The following PWWP2A variants were observed in gnomAD, a reference collection of about 807,000 sequenced individuals.
PWWP2A encodes PWWP domain containing 2A.
A neutral mutation model predicts 48.5 loss-of-function variants in PWWP2A; 18 were observed. The observed-to-expected ratio is 0.37, with a 90% CI of 0.26 to 0.55. The LOEUF is 0.55. PWWP2A is among the 20% of genes least tolerant of loss of function. The probability of loss-of-function intolerance (pLI) is 0.81; values close to 1 mark genes in which losing one functional copy is unlikely to be tolerated. For missense variants in PWWP2A, 867 were observed against 976.4 expected, an observed-to-expected ratio of 0.89 and a Z score of 1.49; for synonymous variants, 396 against 387.7, an observed-to-expected ratio of 1.02 and a Z score of -0.25.
At chr5:160,074,566 G>A (rs1215574951), downstream of PWWP2A, among the ~76,000 whole-genome samples, 1 of 151,878 alleles carries the variant, frequency 6.6e-6, no homozygotes, top group African/African-American at 2.4e-5. Context: ...GACCAACAGG[G>A]AGAAACCTCA....
rs1037751526 is a variant in PWWP2A at position 160,094,372 on chromosome 5, G to A, written c.585-307C>T. On this transcript the variant is annotated intron_variant, in intron 1 of 1. Transcript: ENST00000307063. ...GTTTTCTCAGATAGCTTTATGTTAA[G>A]CATCACATACATTACATTCACTGAA... Among the ~76,000 whole-genome samples, 14 of 152,168 alleles carry A rather than the reference G, an allele frequency of 9.2e-5. 1 individual carries two copies. Among genetic ancestry groups the A allele is most frequent in the Non-Finnish European group, 1.5e-5 (1 of 68,026 alleles).
rs140203801 is a variant in PWWP2A at position 160,115,419 on chromosome 5, C to T, written c.584+3386G>A. On this transcript the variant is annotated intron_variant, in intron 1 of 1. Coordinates refer to ENST00000307063, the MANE Select transcript of PWWP2A (RefSeq NM_001130864.2). ...AAAAGATACAAAAACAGGCTGGGCA[C>T]GGTGGCTCATGCCCATAATCCCAGC... is the stretch of plus-strand genomic sequence containing the variant. 1.2e-4 allele frequency among the ~76,000 whole-genome samples: 19 copies of T among 152,012 alleles called. No homozygotes were observed. The East Asian group carries it at 2.5e-3, about 20-fold the overall frequency.
intron 1 of PWWP2A, among the ~76,000 whole-genome samples, chr5:160,111,137 G>C (rs1210069135): frequency 6.6e-6 from 1 of 152,034 alleles, no homozygotes; most frequent in African/African-American, 2.4e-5. Context: ...AACCAGCCTG[G>C]GCAACATAGC....
chr5:160,069,886 T>C (rs2113441110), intron 2 of PWWP2A, among the ~76,000 whole-genome samples: 1 of 152,300 alleles, frequency 6.6e-6, no homozygotes, highest in East Asian at 1.9e-4. Context: ...AATCCCCAAC[T>C]TTTCCTTTCG....
chr5:160,068,096 G>T (rs1049805952), intron 2 of PWWP2A, among the ~76,000 whole-genome samples: 1 of 152,092 alleles, frequency 6.6e-6, no homozygotes, highest in Non-Finnish European at 1.5e-5. Context: ...CAGGAGAATC[G>T]CTTGAACCCA....
chr5:160,117,937 G>A (rs969703114), intron 1 of PWWP2A: 2 of 943,372 alleles, frequency 2.1e-6, no homozygotes, highest in Admixed American at 6.2e-5. Context: ...TGCAAAAGAA[G>A]AGAATAAAAA....
At chr5:160,069,095 C>G (rs1753682485) in intron 2 of PWWP2A, among the ~76,000 whole-genome samples, 1 of 151,956 alleles carries the variant, frequency 6.6e-6, no homozygotes, top group Non-Finnish European at 1.5e-5. Flanking sequence ...GAGTTCGAGA[C>G]CAGCCTGAGC....
chr5:160,097,400 A>G (rs190513361), intron 1 of PWWP2A, among the ~76,000 whole-genome samples: 1 of 147,110 alleles, frequency 6.8e-6, no homozygotes, highest in East Asian at 2.1e-4. Context: ...TAATCCCAAC[A>G]CTTTGGGAGG....
downstream of PWWP2A, chr5:160,089,956 G>T: frequency 1.0e-6 from 1 of 984,894 alleles, no homozygotes; most frequent in Non-Finnish European, 1.2e-6. Context: ...TGGAATAAAA[G>T]TTTTTAATAT....
chr5:160,092,828 G>A lies in PWWP2A; in HGVS notation c.1822C>T (p.Pro608Ser). The A allele has an allele frequency of 1.3e-6, 2 of 1,551,682 alleles. No homozygotes were observed. Among genetic ancestry groups the A allele is most frequent in the Non-Finnish European group, 1.7e-6 (2 of 1,146,992 alleles). Residue 608 changes from proline to serine, a missense_variant, in exon 2 of 2, where the codon CCA (proline) becomes TCA (serine). Around this residue, in one of 4 missense-constraint regions of PWWP2A, gnomAD observed 382 missense variants for 407.2 expected, o/e 0.94. Transcript: ENST00000307063. ...CSSSESFDFP[P>S]GSMHAPSTSS... is the part of the protein sequence containing the mutation. ...GTGGAAGGTGCATGCATACTGCCTGGAGGAAAATCAAAGCTTTCAGAAGAA... is the reference window on the plus strand; with the variant it reads ...GTGGAAGGTGCATGCATACTGCCTGAAGGAAAATCAAAGCTTTCAGAAGAA...
the PWWP2A span, chr5:160,049,435 T>G: frequency 7.8e-7 from 1 of 1,284,842 alleles, no homozygotes; most frequent in African/African-American, 1.5e-5. Context: ...GGAGGATGAT[T>G]GATGAAGGAA....
chr5:160,115,137 C>CAAAAAAAAAAAAAA (rs535110852), intron 1 of PWWP2A, among the ~76,000 whole-genome samples: 1 of 88,414 alleles, frequency 1.1e-5, no homozygotes, highest in African/African-American at 5.7e-5. Flanking sequence ...GAGACTCTGT[C>CAAAAAAAAAAAAAA]AAAAAAAAAA....
At chr5:160,076,220 C>T (rs1344934228) in exon 4 of PWWP2A, 1 of 152,136 alleles carries the variant, frequency 6.6e-6, no homozygotes, top group Non-Finnish European at 1.5e-5. Context: ...AACCTGATCT[C>T]TCCCAATTCT....
intron 1 of PWWP2A, among the ~76,000 whole-genome samples, chr5:160,111,808 G>C (rs1343955492): frequency 6.6e-6 from 1 of 152,140 alleles, no homozygotes; most frequent in Non-Finnish European, 1.5e-5. Flanking sequence ...GTCATTAGAC[G>C]TTGCTAATGA....
In PWWP2A at chr5:160,094,901, C is replaced by A. The variant is rs540922001; in HGVS notation, c.585-836G>T. 4.0e-5 allele frequency among the ~76,000 whole-genome samples: 6 copies of A among 151,176 alleles called. No homozygotes were observed. The South Asian group carries it at 1.3e-3, about 32-fold the overall frequency. Reference sequence around the variant, plus strand: ...TCTCTACTAAAAATACAAAAAGATTCGCCGGGCATGGTGGCAGGCGCCAGT... The same window carrying A: ...TCTCTACTAAAAATACAAAAAGATTAGCCGGGCATGGTGGCAGGCGCCAGT... On this transcript the variant is annotated intron_variant, in intron 1 of 1. Transcript: ENST00000307063.
the PWWP2A span, among the ~76,000 whole-genome samples, chr5:160,051,886 T>G: frequency 2.0e-5 from 3 of 152,266 alleles, no homozygotes; most frequent in Non-Finnish European, 2.9e-5. Context: ...GAGTATTTTC[T>G]AAATCTGTTG....
Position 160,095,463 on chromosome 5 carries a change from T to C in PWWP2A, c.585-1398A>G, listed in dbSNP as rs112142357. Among the ~76,000 whole-genome samples, 1,035 of 152,272 alleles carry C rather than the reference T, an allele frequency of 6.8e-3. 12 individuals are homozygous for C. The highest frequency in any genetic ancestry group is 0.024 in the African/African-American group (996 of 41,566). ...ATCACACTACCAAATAATTTCAGCA[T>C]ATAGGTTAGCATGTTGACTATATGC... On this transcript the variant is annotated intron_variant, in intron 1 of 1. Coordinates refer to ENST00000307063, the MANE Select transcript of PWWP2A (RefSeq NM_001130864.2).
chr5:160,082,038 A>AG (rs1195103667), intron 2 of PWWP2A, among the ~76,000 whole-genome samples: 1 of 152,252 alleles, frequency 6.6e-6, no homozygotes, highest in Non-Finnish European at 1.5e-5. Flanking sequence ...ATAATTTTTT[A>AG]GGGTGAGATT....
chr5:160,102,440 C>A (rs1033427352), intron 1 of PWWP2A, among the ~76,000 whole-genome samples: 5 of 148,910 alleles, frequency 3.4e-5, no homozygotes, highest in African/African-American at 1.2e-4. Context: ...GGCATGGTGG[C>A]TCAAGCCTAT....
Sources: allele counts gnomAD v4.1 joint callset (sites outside exome capture counted in the v4.1 genomes callset), GRCh38; gene constraint gnomAD v4.1.1; regional missense constraint gnomAD v4.1.1; transcripts MANE v1.5; gene names NCBI Gene and HGNC (gene_info 2026-07-23, HGNC 2026-07-21).